Variants in SPON1 observed in about 807,000 individuals in gnomAD.
The protein encoded by SPON1 is spondin 1, also known as spondin-1.
SPON1 carries 52 observed loss-of-function variants against 111.7 expected under a neutral mutation model. The observed-to-expected ratio is 0.47, with a 90% CI of 0.37 to 0.59. The LOEUF (loss-of-function observed/expected upper bound fraction) is 0.59, where lower values mean the gene tolerates loss of function less well. SPON1 is among the 20% of genes least tolerant of loss of function. SPON1 has a pLI of 0.00. For synonymous variants in SPON1, 410 were observed against 395.8 expected, an observed-to-expected ratio of 1.04 and a Z score of -0.43; for missense variants, 957 against 1,068.5, an observed-to-expected ratio of 0.90 and a Z score of 1.46.
At chr11:14,223,395 T>C (rs1848702213) in intron 6 of SPON1, among the ~76,000 whole-genome samples, 1 of 152,126 alleles carries the variant, frequency 6.6e-6, no homozygotes, top group Non-Finnish European at 1.5e-5. Flanking sequence ...AAAGTGCTAC[T>C]GCAAGATTGG....
intron 2 of SPON1, among the ~76,000 whole-genome samples, chr11:14,023,291 G>C (rs1554914937): frequency 6.6e-6 from 1 of 152,156 alleles, no homozygotes; most frequent in African/African-American, 2.4e-5. Context: ...TGGATTGTAG[G>C]GGCTAAGTAT....
At chr11:14,217,400 A>G (rs534208232) in intron 6 of SPON1, among the ~76,000 whole-genome samples, 21 of 152,312 alleles carry the variant, frequency 1.4e-4, no homozygotes, top group Middle Eastern at 3.4e-3. Context: ...GGCTTCTAGA[A>G]CTCAGTGCAC....
intron 6 of SPON1, among the ~76,000 whole-genome samples, chr11:14,152,655 A>G (rs1847801761): frequency 6.6e-6 from 1 of 152,254 alleles, no homozygotes; most frequent in South Asian, 2.1e-4. Context: ...AAATCATTTC[A>G]TAGGATTTCA....
At chr11:14,041,828 G>C (rs1848633840) in intron 3 of SPON1, among the ~76,000 whole-genome samples, 174 bp downstream of exon 3, 1 of 152,044 alleles carries the variant, frequency 6.6e-6, no homozygotes, top group African/African-American at 2.4e-5. Context: ...GTTCCATAAA[G>C]ATTCATTTGC....
intron 6 of SPON1, among the ~76,000 whole-genome samples, chr11:14,212,725 G>A (rs1848588919): frequency 6.6e-6 from 1 of 152,120 alleles, no homozygotes; most frequent in Non-Finnish European, 1.5e-5. Flanking sequence ...AATGCTGTTT[G>A]TCTCCTTTTT....
intron 6 of SPON1, among the ~76,000 whole-genome samples, chr11:14,232,598 C>A (rs1464207683): frequency 6.6e-6 from 1 of 152,192 alleles, no homozygotes; most frequent in African/African-American, 2.4e-5. Flanking sequence ...CTGGATCTCA[C>A]CTTAGGGATC....
chr11:14,041,990 C>G (rs2618519), intron 3 of SPON1, among the ~76,000 whole-genome samples: 1 of 151,924 alleles, frequency 6.6e-6, no homozygotes, highest in Non-Finnish European at 1.5e-5. Flanking sequence ...TTTCTTTTCT[C>G]GGAACATACA....
intron 2 of SPON1, among the ~76,000 whole-genome samples, chr11:13,996,677 G>A (rs1196754026): frequency 1.3e-5 from 2 of 151,316 alleles, no homozygotes; most frequent in Non-Finnish European, 2.9e-5. Context: ...TTTCCTTCCA[G>A]GTTATATATT....
intron 2 of SPON1, among the ~76,000 whole-genome samples, chr11:14,001,009 T>G (rs1455879285): frequency 9.2e-5 from 14 of 152,196 alleles, no homozygotes; most frequent in African/African-American, 3.4e-4. Flanking sequence ...TCATCACTCC[T>G]GTCCTCATAT....
At chr11:13,966,485 T>C (rs1848017203) in intron 1 of SPON1, among the ~76,000 whole-genome samples, 1 of 152,158 alleles carries the variant, frequency 6.6e-6, no homozygotes, top group Non-Finnish European at 1.5e-5. Context: ...ATTAGGAAAA[T>C]AAAGTCAGAC....
At chr11:14,080,146 A>C (rs1591369964) in intron 5 of SPON1, 125 bp downstream of exon 5, 4 of 1,073,166 alleles carry the variant, frequency 3.7e-6, no homozygotes, top group Non-Finnish European at 5.5e-6. Flanking sequence ...CATGAAATGC[A>C]CAATCCAAGT....
chr11:14,184,932 T>C (rs1263269237), intron 6 of SPON1, among the ~76,000 whole-genome samples: 2 of 152,186 alleles, frequency 1.3e-5, no homozygotes, highest in African/African-American at 2.4e-5. Context: ...GTGGAACCCA[T>C]GGAAGACCAG....
chr11:14,214,878 G>T (rs1591414043), intron 6 of SPON1, among the ~76,000 whole-genome samples: 1 of 152,114 alleles, frequency 6.6e-6, no homozygotes, highest in Non-Finnish European at 1.5e-5. Flanking sequence ...AATACTTAGA[G>T]GCCATGAGTA....
At chr11:13,974,060 C>A (rs1178902544) in intron 1 of SPON1, among the ~76,000 whole-genome samples, 2 of 152,172 alleles carry the variant, frequency 1.3e-5, no homozygotes, top group African/African-American at 4.8e-5. Flanking sequence ...TCTTCCAGGC[C>A]ATCACCAGCA....
At chr11:14,248,208 C>T (rs1554940390) in intron 7 of SPON1, among the ~76,000 whole-genome samples, 1 of 152,132 alleles carries the variant, frequency 6.6e-6, no homozygotes, top group Non-Finnish European at 1.5e-5. Context: ...ACGGAGAATC[C>T]TTTCTGCTGA....
intron 2 of SPON1, among the ~76,000 whole-genome samples, chr11:14,011,041 T>C (rs1318793396): frequency 6.6e-6 from 1 of 152,214 alleles, no homozygotes; most frequent in African/African-American, 2.4e-5. Flanking sequence ...TACATTTTCC[T>C]AATTAGTGTG....
Position 14,079,606 on chromosome 11 carries a change from C to T in SPON1, c.554-293C>T, listed in dbSNP as rs538839549. 5.3e-5 allele frequency among the ~76,000 whole-genome samples: 8 copies of T among 152,196 alleles called. 1 individual carries two copies. The South Asian group carries it at 1.5e-3, about 28-fold the overall frequency. On this transcript the variant is annotated intron_variant, in intron 4 of 15. Coordinates refer to ENST00000576479, the MANE Select transcript of SPON1 (RefSeq NM_006108.4). ...TGAGTGAATTTTACCCCTGATTTTT[C>T]AACATAGCCCCCATCTTAAATATTC...
intron 6 of SPON1, among the ~76,000 whole-genome samples, chr11:14,198,923 A>C (rs991927131): frequency 7.9e-5 from 12 of 152,178 alleles, no homozygotes; most frequent in Non-Finnish European, 2.9e-5. Flanking sequence ...TAAGGCAATG[A>C]ATGAGGTTTC....
chr11:14,034,522 C>A (rs782039031), intron 2 of SPON1, among the ~76,000 whole-genome samples: 1 of 152,222 alleles, frequency 6.6e-6, no homozygotes, highest in African/African-American at 2.4e-5. Context: ...AGAGAAATAA[C>A]TCCTTCTGTT....
Sources: allele counts gnomAD v4.1 joint callset (sites outside exome capture counted in the v4.1 genomes callset), GRCh38; gene constraint gnomAD v4.1.1; transcripts MANE v1.5; gene names NCBI Gene and HGNC (gene_info 2026-07-23, HGNC 2026-07-21).